The following THADA variants were observed in gnomAD, a reference collection of about 807,000 sequenced individuals.
The protein encoded by THADA is tRNA (32-2'-O)-methyltransferase regulator THADA.
A neutral mutation model predicts 219.8 loss-of-function variants in THADA; 213 were observed. That is an observed-to-expected ratio of 0.97 (90% confidence interval 0.87 to 1.09). THADA has a LOEUF of 1.09. THADA is among the 50% of genes least tolerant of loss of function. The pLI is 0.00. For missense variants in THADA, 2,956 were observed against 2,311.3 expected, an observed-to-expected ratio of 1.28 and a Z score of -5.72; for synonymous variants, 1,018 against 828.9, an observed-to-expected ratio of 1.23 and a Z score of -3.92.
chr2:43,235,802 A>G (rs951714278), intron 36 of THADA, among the ~76,000 whole-genome samples: 25 of 150,640 alleles, frequency 1.7e-4, no homozygotes, highest in Non-Finnish European at 2.7e-4. Flanking sequence ...GGTAGCCTCT[A>G]TCCTGCACCA....
At chr2:43,531,966 G>C (rs934053971) in intron 21 of THADA, among the ~76,000 whole-genome samples, 6 of 150,968 alleles carry the variant, frequency 4.0e-5, no homozygotes, top group Non-Finnish European at 1.5e-5. Context: ...ACAGACAACA[G>C]TGTAGGGTTT....
At chr2:43,297,840 C>T (rs1333246740) in intron 31 of THADA, among the ~76,000 whole-genome samples, 1 of 121,932 alleles carries the variant, frequency 8.2e-6, no homozygotes, top group Non-Finnish European at 1.7e-5. Context: ...ATCAGCCCCC[C>T]CGCCCGGCCA....
chr2:43,489,476 A>G (rs1178744376), intron 25 of THADA, among the ~76,000 whole-genome samples: 1 of 152,134 alleles, frequency 6.6e-6, no homozygotes, highest in Non-Finnish European at 1.5e-5. Context: ...AGGTACAAAA[A>G]TTTACCCAGG....
At chr2:43,346,214 G>C (rs994973956) in intron 29 of THADA, among the ~76,000 whole-genome samples, 2 of 152,136 alleles carry the variant, frequency 1.3e-5, no homozygotes, top group African/African-American at 4.8e-5. Context: ...AGTTTTATAA[G>C]CAATTGTATG....
chr2:43,281,450 T>C (rs1266254853), intron 35 of THADA, among the ~76,000 whole-genome samples: 1 of 150,360 alleles, frequency 6.7e-6, no homozygotes, highest in African/African-American at 2.4e-5. Context: ...CTTTTTTTTT[T>C]TTTTTTTTGA....
In THADA at chr2:43,592,423, G is replaced by T; in HGVS notation, c.-24-7C>A. Reference sequence around the variant, plus strand: ...ATAGAATTAATAGTAGTCACTGCAAGAAAGAAGACTTTAAGGCATTAATGT... The same window carrying T: ...ATAGAATTAATAGTAGTCACTGCAATAAAGAAGACTTTAAGGCATTAATGT... On this transcript the variant is annotated splice_region_variant and splice_polypyrimidine_tract_variant and intron_variant, in intron 1 of 37. Coordinates refer to ENST00000405975, the MANE Select transcript of THADA (RefSeq NM_022065.5). The T allele has an allele frequency of 6.7e-7, 1 of 1,483,242 alleles. No individual in the cohort carries two copies. The highest frequency in any genetic ancestry group is 9.3e-7 in the Non-Finnish European group (1 of 1,080,656). 91.9% of individuals were successfully genotyped at this position (1,483,242 alleles called of 1,614,324 possible). A position where few individuals can be genotyped will look rare whatever the true frequency, so the allele number is the denominator to read the frequency against.
In THADA at chr2:43,574,851, T is replaced by C. The variant is rs772804097; in HGVS notation, c.1214A>G (p.Asp405Gly). 40 of 1,613,890 alleles carry C rather than the reference T, an allele frequency of 2.5e-5. No individual in the cohort carries two copies. The highest frequency in any genetic ancestry group is 3.2e-5 in the Non-Finnish European group (38 of 1,179,908). ...YVYTHWEHPL[D>G]ALRHQTKIMF... The stretch of plus-strand genomic sequence containing the variant: ...GATTTTGGTTTGGTGTCTCAGAGCA[T>C]CCAATGGATGTTCCCAATGGGTATA... Residue 405 changes from aspartate (D) to glycine (G), a missense_variant, in exon 11 of 38, where the codon GAT (aspartate) becomes GGT (glycine). Physicochemically the swap from Asp to Gly is moderately conservative, Grantham distance 94. Coordinates refer to ENST00000405975, the MANE Select transcript of THADA (RefSeq NM_022065.5).
chr2:43,537,563 C>G (rs1002504873), intron 21 of THADA, among the ~76,000 whole-genome samples: 2 of 152,000 alleles, frequency 1.3e-5, no homozygotes, highest in African/African-American at 2.4e-5. Flanking sequence ...AACATATATC[C>G]CATTTGTAGT....
chr2:43,489,794 G>A (rs35590893), intron 25 of THADA, among the ~76,000 whole-genome samples: 33,181 of 149,442 alleles, frequency 0.22, 3,921 homozygotes, highest in Non-Finnish European at 0.27. Flanking sequence ...GGGACCTGTG[G>A]GGCCTCCAAC....
chr2:43,494,568 GC>G (rs1482412934), intron 25 of THADA, among the ~76,000 whole-genome samples: 9 of 152,116 alleles, frequency 5.9e-5, no homozygotes, highest in African/African-American at 1.9e-4. Flanking sequence ...ATCTCTCTGA[GC>G]CTTGTTTTCT....
chr2:43,549,086 A>C, intron 20 of THADA, 124 bp downstream of exon 20: 3 of 950,194 alleles, frequency 3.2e-6, no homozygotes, highest in Non-Finnish European at 4.3e-6. Context: ...TTTTTAAAAA[A>C]CTTTATTTTC....
intron 36 of THADA, among the ~76,000 whole-genome samples, chr2:43,275,161 T>C (rs1315536171): frequency 6.6e-6 from 1 of 152,050 alleles, no homozygotes; most frequent in Non-Finnish European, 1.5e-5. Flanking sequence ...TGCACCACTA[T>C]GCCCAGCTAA....
intron 20 of THADA, 45 bp downstream of exon 20, chr2:43,549,164 CT>C: frequency 7.0e-7 from 1 of 1,436,288 alleles, no homozygotes. Context: ...GTACATTTTA[CT>C]GGTTACTTAA....
rs139342566 is a variant in THADA, at chr2:43,301,706, T to C, written c.4439-8493A>G. ...TCTGAGAGCTTTAGAAAAATACTCA[T>C]GTCAGGGGACACTTGACCACATCTC... On this transcript the variant is annotated intron_variant, in intron 31 of 37. Transcript: ENST00000405975. 1.5e-3 allele frequency among the ~76,000 whole-genome samples: 228 copies of C among 152,304 alleles called. 1 individual carries two copies. Among genetic ancestry groups the C allele is most frequent in the African/African-American group, 5.1e-3 (214 of 41,578 alleles).
At chr2:43,520,989 AAAGGGAGGAAAGGGAGGG>A (rs796305424) in intron 22 of THADA, among the ~76,000 whole-genome samples, 2,072 of 50,260 alleles carry the variant, frequency 0.041, 120 homozygotes, top group African/African-American at 0.19. Flanking sequence ...GGAAGGGAGG[AAAGGGAGGAAAGGGAGGG>A]AAGGGAGGGA....
Position 43,527,774 on chromosome 2 carries a change from G to A in THADA, c.3374+105C>T. 1.7e-5 allele frequency: 13 copies of A among 744,684 alleles called. No homozygotes were observed. In the South Asian group the frequency reaches 2.2e-4, roughly 13 times the overall value. 46.1% of individuals were successfully genotyped at this position (744,684 alleles called of 1,614,324 possible). On this transcript the variant is annotated intron_variant, in intron 22 of 37. Coordinates refer to ENST00000405975, the MANE Select transcript of THADA (RefSeq NM_022065.5). ...TTCCAAGAGTTTTGTAGTCAACCAG[G>A]TCTTATTCTTTTAAACTTCAAAAGA...
At chr2:43,515,228 A>AATATATAATATATAATATATT (rs1691437695) in intron 22 of THADA, among the ~76,000 whole-genome samples, 1 of 9,634 alleles carries the variant, frequency 1.0e-4, no homozygotes, top group Non-Finnish European at 1.6e-4. Context: ...TATTATATAT[A>AATATATAATATATAATATATT]ATATATAATA....
intron 28 of THADA, among the ~76,000 whole-genome samples, chr2:43,423,435 CTTT>C (rs34481568): frequency 3.5e-5 from 5 of 142,164 alleles, no homozygotes; most frequent in African/African-American, 5.2e-5. Context: ...TTCTTTCTTT[CTTT>C]TTTTTTTTTT....
At chr2:43,355,560 C>G (rs1668783976) in intron 29 of THADA, among the ~76,000 whole-genome samples, 4 of 152,192 alleles carry the variant, frequency 2.6e-5, no homozygotes, top group Admixed American at 2.6e-4. Context: ...GGTGTGACAG[C>G]CAAGAAATCA....
Sources: allele counts gnomAD v4.1 joint callset (sites outside exome capture counted in the v4.1 genomes callset), GRCh38; gene constraint gnomAD v4.1.1; transcripts MANE v1.5; gene names NCBI Gene and HGNC (gene_info 2026-07-23, HGNC 2026-07-21).